Variants in PHEX observed in about 807,000 individuals in gnomAD.
PHEX encodes the protein phosphate regulating endopeptidase X-linked.
PHEX carries 16 observed loss-of-function variants against 68.0 expected under a neutral mutation model. The ratio of observed to expected loss-of-function variants is 0.24; its 90% CI spans 0.16 to 0.36. The LOEUF is 0.36. Among genes scored for constraint, PHEX ranks in the 10% least tolerant of loss-of-function variants. The probability of loss-of-function intolerance (pLI) is 1.00; values close to 1 mark genes in which losing one functional copy is unlikely to be tolerated. For synonymous variants in PHEX, 208 were observed against 205.1 expected (o/e 1.01, Z -0.12); for missense variants, 480 against 575.5 (o/e 0.83, Z 1.70).
intron 14 of PHEX, among the ~76,000 whole-genome samples, chrX:22,184,109 A>G (rs1365675817): frequency 8.9e-6 from 1 of 112,170 alleles, no homozygotes; most frequent in Non-Finnish European, 1.9e-5. Context: ...AAAGTTCTCC[A>G]GAAATGGAAA....
chrX:22,035,319 C>T (rs2146976168), intron 1 of PHEX, among the ~76,000 whole-genome samples: 1 of 111,632 alleles, frequency 9.0e-6, no homozygotes, highest in South Asian at 3.8e-4. Flanking sequence ...TTCCTCCCCA[C>T]AATCTGTTTC....
rs1234526740 is a variant in PHEX, at chrX:22,250,683, C to T, written c.*2730C>T. The T allele has an allele frequency of 8.9e-6, 1 of 112,299 alleles. No individual in the cohort carries two copies. The highest frequency in any genetic ancestry group is 1.9e-5 in the Non-Finnish European group (1 of 53,238). 9.3% of individuals were successfully genotyped at this position (112,299 alleles called of 1,213,427 possible). A position where few individuals can be genotyped will look rare whatever the true frequency, so the allele number is the denominator to read the frequency against. On this transcript the variant is annotated 3_prime_UTR_variant, in exon 22 of 22. Transcript: ENST00000379374. ...ACTGAGCTTTTCACTAAGTGCTCAGCATTGGCCTCCTGTTCTCATTTATTC... is the reference window on the plus strand; with the variant it reads ...ACTGAGCTTTTCACTAAGTGCTCAGTATTGGCCTCCTGTTCTCATTTATTC...
At chrX:22,142,132 A>C (rs1452536738) in intron 12 of PHEX, among the ~76,000 whole-genome samples, 1 of 111,382 alleles carries the variant, frequency 9.0e-6, no homozygotes, top group Admixed American at 9.6e-5. Context: ...GGCGCCTGTA[A>C]TCCCAGCTAC....
At chrX:22,166,672 G>C (rs1179619125) in intron 12 of PHEX, among the ~76,000 whole-genome samples, 1 of 110,869 alleles carries the variant, frequency 9.0e-6, no homozygotes, top group African/African-American at 3.3e-5. Flanking sequence ...CCATTTTCTA[G>C]TGTACAATAC....
At chrX:22,179,373 C>A (rs191480005) in intron 14 of PHEX, among the ~76,000 whole-genome samples, 1 of 111,153 alleles carries the variant, frequency 9.0e-6, no homozygotes, top group African/African-American at 3.3e-5. Flanking sequence ...TGGTTGGTTA[C>A]ATGAATAAGT....
intron 8 of PHEX, 30 bp from the exon 9 acceptor site, chrX:22,098,976 C>T (rs774372335): frequency 8.4e-7 from 1 of 1,195,195 alleles, no homozygotes; most frequent in Non-Finnish European, 1.1e-6. Flanking sequence ...CCGAGATTCT[C>T]TCATTCTGTT....
chrX:22,211,878 C>T (rs1258838359), intron 15 of PHEX, among the ~76,000 whole-genome samples: 1 of 111,673 alleles, frequency 9.0e-6, no homozygotes, highest in African/African-American at 3.3e-5. Context: ...GGGGAACTCC[C>T]CTTTATAAAA....
At chrX:22,133,311 A>G (rs1275043262) in intron 11 of PHEX, among the ~76,000 whole-genome samples, 2 of 112,294 alleles carry the variant, frequency 1.8e-5, no homozygotes, top group Non-Finnish European at 3.8e-5. Flanking sequence ...ATGAGCCACC[A>G]TGCTGGGCCT....
intron 11 of PHEX, among the ~76,000 whole-genome samples, chrX:22,125,117 G>A (rs895776932): frequency 8.9e-6 from 1 of 111,752 alleles, no homozygotes; most frequent in East Asian, 2.8e-4. Context: ...ATATTTATTG[G>A]TGCATTCATT....
intron 3 of PHEX, among the ~76,000 whole-genome samples, chrX:22,052,493 GC>G (rs1418136725): frequency 8.9e-6 from 1 of 111,923 alleles, no homozygotes; most frequent in East Asian, 2.8e-4. Flanking sequence ...CTCCCCAAGT[GC>G]TGGGATTACA....
At chrX:22,130,879 C>T (rs1931963576) in intron 11 of PHEX, among the ~76,000 whole-genome samples, 1 of 111,008 alleles carries the variant, frequency 9.0e-6, no homozygotes, top group Non-Finnish European at 1.9e-5. Flanking sequence ...TAAATGGTTT[C>T]CCCTGGTCTA....
chrX:22,042,097 G>A lies in PHEX; in HGVS notation c.187+3560G>A, dbSNP rs190053238. Among the ~76,000 whole-genome samples the A allele has an allele frequency of 4.1e-3, 455 of 111,579 alleles. 2 individuals are homozygous for A. The highest frequency in any genetic ancestry group is 0.014 in the African/African-American group (432 of 30,694). ...CACATGGCAGGAGAATTACGGCCAA[G>A]CCAGGGCCTTAAACAAGAGGCTGTG... On this transcript the variant is annotated intron_variant, in intron 2 of 21. Coordinates refer to ENST00000379374, the MANE Select transcript of PHEX (RefSeq NM_000444.6).
chrX:22,210,345 A>T (rs1377713554), intron 15 of PHEX, among the ~76,000 whole-genome samples: 1 of 112,016 alleles, frequency 8.9e-6, no homozygotes, highest in Non-Finnish European at 1.9e-5. Flanking sequence ...ACAGACATAG[A>T]GGCTCATGCA....
Position 22,220,654 on chromosome X carries a change from G to C in PHEX, c.1769-959G>C, listed in dbSNP as rs748453026. 1.1e-3 allele frequency among the ~76,000 whole-genome samples: 122 copies of C among 112,154 alleles called. 1 individual carries two copies. The highest frequency in any genetic ancestry group is 7.3e-4 in the Non-Finnish European group (39 of 53,255). On this transcript the variant is annotated intron_variant, in intron 17 of 21. Transcript: ENST00000379374. ...CACTCTGTAACCAATGCTTAGAACA[G>C]TGCATTGCACATATAAGTACATGCC...
intron 9 of PHEX, among the ~76,000 whole-genome samples, chrX:22,103,775 C>G (rs1416625296): frequency 8.9e-6 from 1 of 111,771 alleles, no homozygotes; most frequent in Non-Finnish European, 1.9e-5. Context: ...CATGCATGAG[C>G]TAGTATCTTT....
At chrX:22,111,437 CAATA>C (rs1930960651) in intron 9 of PHEX, 26 bp from the exon 10 acceptor site, 1 of 1,084,683 alleles carries the variant, frequency 9.2e-7, no homozygotes, top group African/African-American at 1.8e-5. Context: ...ACCTAAAATA[CAATA>C]AATGGGCATC....
chrX:22,191,680 G>A (rs951307914), intron 15 of PHEX, among the ~76,000 whole-genome samples: 1 of 112,274 alleles, frequency 8.9e-6, no homozygotes, highest in African/African-American at 3.2e-5. Flanking sequence ...ACCTGCAGGT[G>A]ATTGTAATGT....
At chrX:22,179,854 C>G (rs1315690197) in intron 14 of PHEX, among the ~76,000 whole-genome samples, 1 of 111,133 alleles carries the variant, frequency 9.0e-6, no homozygotes, top group African/African-American at 3.3e-5. Context: ...CTCAAACTAA[C>G]TAGAGTTAGT....
At chrX:22,221,254 C>A (rs1416406635) in intron 17 of PHEX, among the ~76,000 whole-genome samples, 1 of 111,932 alleles carries the variant, frequency 8.9e-6, no homozygotes, top group African/African-American at 3.3e-5. Context: ...CTGATTGCCT[C>A]CATGGGCTTT....
Sources: gnomAD v4.1 joint callset for allele counts (sites outside exome capture counted in the v4.1 genomes callset) on GRCh38, gnomAD v4.1.1 for gene constraint, MANE v1.5 for transcripts, NCBI Gene and HGNC (gene_info 2026-07-23, HGNC 2026-07-21) for gene names.